Variants in SGIP1 observed in about 807,000 individuals in gnomAD.
SGIP1 encodes SH3-containing GRB2-like protein 3-interacting protein 1.
A neutral mutation model predicts 107.5 loss-of-function variants in SGIP1; 38 were observed. That is an observed-to-expected ratio of 0.35 (90% CI 0.27 to 0.46). SGIP1 has a LOEUF of 0.46. SGIP1 is among the 20% of genes least tolerant of loss of function. The pLI is 1.00. For synonymous variants in SGIP1, 365 were observed against 366.1 expected, an observed-to-expected ratio of 1.00 and a Z score of 0.03; for missense variants, 929 against 1,019.5, an observed-to-expected ratio of 0.91 and a Z score of 1.21.
chr1:66,600,618 G>C (rs145771511), intron 1 of SGIP1, among the ~76,000 whole-genome samples: 127 of 152,288 alleles, frequency 8.3e-4, no homozygotes, highest in African/African-American at 2.9e-3. Context: ...GAAACGAGAG[G>C]CTGAAACAGT....
intron 19 of SGIP1, among the ~76,000 whole-genome samples, chr1:66,726,081 T>C (rs1225366897): frequency 6.6e-6 from 1 of 152,100 alleles, no homozygotes; most frequent in Admixed American, 6.6e-5. Flanking sequence ...AAACCTACAC[T>C]CTGGGGACAC....
chr1:66,572,688 C>T (rs911250962), intron 1 of SGIP1, among the ~76,000 whole-genome samples: 1 of 151,988 alleles, frequency 6.6e-6, no homozygotes, highest in Non-Finnish European at 1.5e-5. Flanking sequence ...TCATAATTTT[C>T]AGGTAAAATA....
chr1:66,736,836 CATTT>C (rs2094280433), intron 21 of SGIP1, among the ~76,000 whole-genome samples: 2 of 151,914 alleles, frequency 1.3e-5, no homozygotes, highest in African/African-American at 4.8e-5. Context: ...CTTTGGAAAA[CATTT>C]ATTTAAATTG....
chr1:66,747,361 A>T lies in SGIP1; in HGVS notation c.*4266A>T, dbSNP rs12741804. On this transcript the variant is annotated 3_prime_UTR_variant, in exon 25 of 25. Coordinates refer to ENST00000371037, the MANE Select transcript of SGIP1 (RefSeq NM_032291.4). ...AGTCAGTTTATTTTTCATTCAGTCC[A>T]CTTAATTTCCTCCAATCTTAAAAAA... The T allele has an allele frequency of 6.6e-6, 1 of 152,124 alleles. No homozygotes were observed. The highest frequency in any genetic ancestry group is 1.5e-5 in the Non-Finnish European group (1 of 67,904). 9.4% of individuals were successfully genotyped at this position (152,124 alleles called of 1,614,324 possible). A position where few individuals can be genotyped will look rare whatever the true frequency, so the allele number is the denominator to read the frequency against.
intron 18 of SGIP1, among the ~76,000 whole-genome samples, chr1:66,701,791 G>C (rs760637827): frequency 1.2e-4 from 18 of 152,202 alleles, no homozygotes; most frequent in Non-Finnish European, 2.2e-4. Context: ...CTGTCATGCT[G>C]ATGTTAGAAC....
intron 19 of SGIP1, among the ~76,000 whole-genome samples, chr1:66,722,833 C>T (rs148292052): frequency 5.3e-5 from 8 of 152,204 alleles, no homozygotes; most frequent in African/African-American, 1.9e-4. Context: ...TAGTCTGCAC[C>T]TGTAAGCTTG....
intron 11 of SGIP1, 99 bp from the exon 12 acceptor site, chr1:66,673,182 C>T (rs1571615211): frequency 1.6e-6 from 2 of 1,234,814 alleles, no homozygotes; most frequent in East Asian, 4.8e-5. Context: ...CACACACACA[C>T]TTGTTTCACT....
intron 8 of SGIP1, 127 bp downstream of exon 8, chr1:66,660,651 T>C: frequency 2.2e-6 from 2 of 927,540 alleles, no homozygotes; most frequent in Non-Finnish European, 3.5e-6. Context: ...AAAACAAATC[T>C]TTGCGAACCA....
chr1:66,567,451 G>A (rs1288304930), intron 1 of SGIP1, among the ~76,000 whole-genome samples: 1 of 152,104 alleles, frequency 6.6e-6, no homozygotes, highest in Admixed American at 6.6e-5. Context: ...CATTCTGTAT[G>A]TTGCCTGATC....
intron 18 of SGIP1, 84 bp from the exon 19 acceptor site, chr1:66,719,210 T>C: frequency 2.3e-6 from 2 of 870,714 alleles, no homozygotes; most frequent in East Asian, 2.6e-5. Context: ...TTTTATTCCT[T>C]AATCCTTTAA....
At chr1:66,734,103 C>A (rs569497601) in intron 21 of SGIP1, among the ~76,000 whole-genome samples, 78 of 152,122 alleles carry the variant, frequency 5.1e-4, no homozygotes, top group South Asian at 3.9e-3. Context: ...AATATTTTAT[C>A]ACAAAATTAG....
At chr1:66,742,534 A>G (rs1208501110) in intron 24 of SGIP1, among the ~76,000 whole-genome samples, 2 of 118,320 alleles carry the variant, frequency 1.7e-5, no homozygotes, top group Admixed American at 2.4e-4. Context: ...CAGTGGCGCT[A>G]TCCCGGCTCA....
rs1476602625 is a variant in SGIP1 at position 66,538,014 on chromosome 1, A to G, written c.10+3646A>G. 4.6e-5 allele frequency among the ~76,000 whole-genome samples: 7 copies of G among 152,156 alleles called. No individual in the cohort carries two copies. The South Asian group carries it at 6.2e-4, about 14-fold the overall frequency. On this transcript the variant is annotated intron_variant, in intron 1 of 24. Coordinates refer to ENST00000371037, the MANE Select transcript of SGIP1 (RefSeq NM_032291.4). The stretch of plus-strand genomic sequence containing the variant: ...CTGTGTCTCTCTGTTTTAAATATGA[A>G]TATTGACAGAACTATACTCTTTAAC...
At chr1:66,606,437 C>T (rs2066858216) in intron 1 of SGIP1, among the ~76,000 whole-genome samples, 1 of 152,074 alleles carries the variant, frequency 6.6e-6, no homozygotes, top group Admixed American at 6.6e-5. Flanking sequence ...TCCTTCTATT[C>T]AGCTTTGAAA....
intron 10 of SGIP1, among the ~76,000 whole-genome samples, 154 bp from the exon 11 acceptor site, chr1:66,671,790 C>T (rs2083884162): frequency 6.6e-6 from 1 of 152,166 alleles, no homozygotes; most frequent in African/African-American, 2.4e-5. Context: ...ATGGCTGTTG[C>T]ATTGCCAGGG....
At chr1:66,591,490 A>T (rs2063611728) in intron 1 of SGIP1, among the ~76,000 whole-genome samples, 1 of 152,200 alleles carries the variant, frequency 6.6e-6, no homozygotes, top group African/African-American at 2.4e-5. Flanking sequence ...TTGAGCATAA[A>T]GTACAAAGAT....
At chr1:66,729,769 G>T (rs1236732809) in intron 20 of SGIP1, among the ~76,000 whole-genome samples, 2 of 152,118 alleles carry the variant, frequency 1.3e-5, no homozygotes, top group African/African-American at 4.8e-5. Flanking sequence ...CAAATAACAA[G>T]AATAAAATCC....
chr1:66,608,813 G>A (rs1396656519), intron 1 of SGIP1, among the ~76,000 whole-genome samples: 2 of 152,156 alleles, frequency 1.3e-5, no homozygotes, highest in Admixed American at 6.5e-5. Context: ...GTATGGACTC[G>A]CCATGCCTTA....
chr1:66,603,767 G>A (rs530373525), intron 1 of SGIP1, among the ~76,000 whole-genome samples: 7 of 152,170 alleles, frequency 4.6e-5, no homozygotes, highest in Non-Finnish European at 1.0e-4. Flanking sequence ...ATCTTTGATA[G>A]ATCTATGTCT....
Sources: allele counts gnomAD v4.1 joint callset (sites outside exome capture counted in the v4.1 genomes callset), GRCh38; gene constraint gnomAD v4.1.1; transcripts MANE v1.5; gene names NCBI Gene and HGNC (gene_info 2026-07-23, HGNC 2026-07-21).